Variants in MTUS2 observed in about 807,000 individuals in gnomAD.
MTUS2 encodes the protein microtubule associated scaffold protein 2.
MTUS2 carries 40 observed loss-of-function variants against 114.1 expected under a neutral mutation model. The observed-to-expected ratio is 0.35, with a 90% confidence interval of 0.27 to 0.46. MTUS2 has a LOEUF of 0.46. MTUS2 is among the 20% of genes least tolerant of loss of function. The pLI, the probability that MTUS2 is intolerant of heterozygous loss-of-function variation, is 1.00. For synonymous variants in MTUS2, 688 were observed against 672.0 expected, an observed-to-expected ratio of 1.02 and a Z score of -0.37; for missense variants, 1,679 against 1,705.4, an observed-to-expected ratio of 0.98 and a Z score of 0.27.
chr13:29,008,323 C>G (rs1885688732), intron 2 of MTUS2, among the ~76,000 whole-genome samples: 1 of 152,154 alleles, frequency 6.6e-6, no homozygotes, highest in African/African-American at 2.4e-5. Flanking sequence ...TCCAAAACCC[C>G]TTGGAACACT....
At position 29,237,481 on chromosome 13, in the gene MTUS2, G is replaced by A. The variant is rs139983032; in HGVS notation, c.2645-44223G>A. ...TTCTCTGCTGCTTCTCCAGGCTGAGGGTGGAATTCTCCAGGACCTGCATGT... is the reference window on the plus strand; with the variant it reads ...TTCTCTGCTGCTTCTCCAGGCTGAGAGTGGAATTCTCCAGGACCTGCATGT... On this transcript the variant is annotated intron_variant, in intron 5 of 15. Coordinates refer to ENST00000612955, the MANE Select transcript of MTUS2 (RefSeq NM_001033602.4). Among the ~76,000 whole-genome samples the A allele has an allele frequency of 2.6e-3, 396 of 152,244 alleles. 2 individuals are homozygous for A. Among genetic ancestry groups the A allele is most frequent in the African/African-American group, 9.3e-3 (386 of 41,538 alleles).
chr13:29,438,462 T>G (rs1877583475), intron 8 of MTUS2, among the ~76,000 whole-genome samples: 1 of 152,166 alleles, frequency 6.6e-6, no homozygotes, highest in Non-Finnish European at 1.5e-5. Flanking sequence ...GCAGTTTCAG[T>G]GTCAGGTGCG....
intron 5 of MTUS2, among the ~76,000 whole-genome samples, chr13:29,238,739 A>T (rs966558251): frequency 6.6e-6 from 1 of 152,184 alleles, no homozygotes; most frequent in South Asian, 2.1e-4. Context: ...ACCCTCACAG[A>T]CACACTCAGG....
chr13:29,004,114 C>T (rs959150880), intron 2 of MTUS2, among the ~76,000 whole-genome samples: 5 of 152,144 alleles, frequency 3.3e-5, no homozygotes, highest in African/African-American at 7.2e-5. Context: ...TTCCTGCCAG[C>T]CCGAAACAAT....
chr13:29,237,207 G>A (rs957751413), intron 5 of MTUS2, among the ~76,000 whole-genome samples: 4 of 152,114 alleles, frequency 2.6e-5, no homozygotes, highest in Non-Finnish European at 5.9e-5. Flanking sequence ...TTTGACTATG[G>A]GCTCATGTTC....
chr13:29,384,128 C>G (rs924156231), intron 8 of MTUS2, among the ~76,000 whole-genome samples: 1 of 152,296 alleles, frequency 6.6e-6, no homozygotes, highest in Admixed American at 6.5e-5. Context: ...ATAAAATACT[C>G]TATTTCTGTG....
At chr13:29,275,331 G>T (rs1445483644) in intron 5 of MTUS2, among the ~76,000 whole-genome samples, 1 of 152,096 alleles carries the variant, frequency 6.6e-6, no homozygotes, top group African/African-American at 2.4e-5. Flanking sequence ...TCAGGTAAAT[G>T]GGGTATCCAT....
intron 6 of MTUS2, among the ~76,000 whole-genome samples, chr13:29,287,893 C>T (rs1000993293): frequency 1.1e-4 from 16 of 152,174 alleles, no homozygotes; most frequent in Admixed American, 9.8e-4. Context: ...AGGCTGATGG[C>T]GGAGAAGCAC....
At chr13:28,957,717 T>C (rs1391890689) in intron 2 of MTUS2, among the ~76,000 whole-genome samples, 1 of 152,168 alleles carries the variant, frequency 6.6e-6, no homozygotes, top group African/African-American at 2.4e-5. Context: ...GCCCTGTGGA[T>C]ACTGGGAGAT....
intron 3 of MTUS2, among the ~76,000 whole-genome samples, chr13:29,030,655 T>C (rs564201103): frequency 6.6e-6 from 1 of 152,166 alleles, no homozygotes; most frequent in African/African-American, 2.4e-5. Flanking sequence ...GTGGCTGCAG[T>C]CTGGTCTCTA....
chr13:29,177,664 A>C (rs1048766524), intron 5 of MTUS2, among the ~76,000 whole-genome samples: 6 of 152,302 alleles, frequency 3.9e-5, no homozygotes, highest in African/African-American at 1.4e-4. Context: ...TGGTTCAAAA[A>C]AACAGGTAAT....
chr13:29,449,388 A>G (rs1165513705), intron 9 of MTUS2, among the ~76,000 whole-genome samples: 1 of 152,214 alleles, frequency 6.6e-6, no homozygotes, highest in Non-Finnish European at 1.5e-5. Context: ...TTTACCATTC[A>G]TGGTTATCCA....
At chr13:29,170,990 C>T (rs138348361) in intron 5 of MTUS2, among the ~76,000 whole-genome samples, 124 of 152,272 alleles carry the variant, frequency 8.1e-4, no homozygotes, top group Middle Eastern at 3.4e-3. Flanking sequence ...TGCTCACTGA[C>T]TGGTAGCCTG....
At chr13:29,395,793 T>A (rs968112557) in intron 8 of MTUS2, among the ~76,000 whole-genome samples, 1 of 152,220 alleles carries the variant, frequency 6.6e-6, no homozygotes, top group African/African-American at 2.4e-5. Flanking sequence ...ATCAATATAT[T>A]CATTATGCTA....
chr13:29,128,415 A>G (rs1891610768), intron 5 of MTUS2, among the ~76,000 whole-genome samples: 2 of 152,214 alleles, frequency 1.3e-5, no homozygotes, highest in South Asian at 2.1e-4. Flanking sequence ...AGGGACTCAG[A>G]TGGCGACAGG....
chr13:29,329,905 C>T (rs915544889), intron 7 of MTUS2, among the ~76,000 whole-genome samples: 12 of 152,260 alleles, frequency 7.9e-5, no homozygotes, highest in Non-Finnish European at 1.6e-4. Context: ...TGAGCCACTG[C>T]GCCTAGCTGC....
chr13:29,412,158 A>G (rs1004305475), intron 8 of MTUS2, among the ~76,000 whole-genome samples: 2 of 152,320 alleles, frequency 1.3e-5, no homozygotes, highest in African/African-American at 4.8e-5. Flanking sequence ...TTTGTTCCTG[A>G]TTTGAATGTA....
At position 29,328,502 on chromosome 13, in the gene MTUS2, A is replaced by T. The variant is rs932785341; in HGVS notation, c.2905+3791A>T. On this transcript the variant is annotated intron_variant, in intron 7 of 15. Coordinates refer to ENST00000612955, the MANE Select transcript of MTUS2 (RefSeq NM_001033602.4). ...AGGGATTCTTTAGTTGACGGTTGGG[A>T]TAGTTAAGCTAATGTCTAAAACTTG... Among the ~76,000 whole-genome samples the T allele has an allele frequency of 3.3e-5, 5 of 152,216 alleles. No homozygotes were observed. The East Asian group carries it at 9.6e-4, about 29-fold the overall frequency.
chr13:28,953,198 A>T (rs1336300979), intron 2 of MTUS2, among the ~76,000 whole-genome samples: 1 of 147,534 alleles, frequency 6.8e-6, no homozygotes, highest in African/African-American at 2.5e-5. Context: ...TTTTCTACTG[A>T]GTTGCTTTTC....
Sources: allele counts gnomAD v4.1 joint callset (sites outside exome capture counted in the v4.1 genomes callset), GRCh38; gene constraint gnomAD v4.1.1; transcripts MANE v1.5; gene names NCBI Gene and HGNC (gene_info 2026-07-23, HGNC 2026-07-21).